Variants in SBNO2 observed in about 807,000 individuals in gnomAD.
SBNO2 encodes the protein strawberry notch homolog 2.
SBNO2 carries 89 observed loss-of-function variants against 146.3 expected under a neutral mutation model. That is an observed-to-expected ratio of 0.61 (90% CI 0.51 to 0.73). SBNO2 has a LOEUF of 0.73. Ranked by LOEUF, SBNO2 falls within the 30% of genes least tolerant of loss-of-function variation. The pLI is 0.00. For synonymous variants in SBNO2, 1,147 were observed against 892.6 expected, an observed-to-expected ratio of 1.29 and a Z score of -5.08; for missense variants, 2,092 against 2,003.7, an observed-to-expected ratio of 1.04 and a Z score of -0.84.
At position 1,123,649 on chromosome 19, in the gene SBNO2, T is replaced by TGGCGGGAGCTCAGCGGAGACTGCA; in HGVS notation, c.523-34_523-11dup. The TGGCGGGAGCTCAGCGGAGACTGCA allele has an allele frequency of 6.2e-7, 1 of 1,606,050 alleles. No individual in the cohort carries two copies. Among genetic ancestry groups the TGGCGGGAGCTCAGCGGAGACTGCA allele is most frequent in the Middle Eastern group, 1.7e-4 (1 of 6,026 alleles). ...TCTGCACACTCTGCTCCTGCGTGCG[T>TGGCGGGAGCTCAGCGGAGACTGCA]GGCGGGAGCTCAGCGGAGACTGCAG... On this transcript the variant is annotated splice_polypyrimidine_tract_variant and intron_variant, in intron 6 of 31. Coordinates refer to ENST00000361757, the MANE Select transcript of SBNO2 (RefSeq NM_014963.3).
In SBNO2 at chr19:1,109,099, C is replaced by CTA. The variant is rs1452005716; in HGVS notation, c.3425+35_3425+36insTA. The CTA allele has an allele frequency of 2.6e-6, 4 of 1,544,716 alleles. No homozygotes were observed. The highest frequency in any genetic ancestry group is 3.9e-5 in the Admixed American group (2 of 50,762). On this transcript the variant is annotated intron_variant, in intron 30 of 31. Coordinates refer to ENST00000361757, the MANE Select transcript of SBNO2 (RefSeq NM_014963.3). This position sits in a 1 kb window ranked among gnomAD's most constrained non-coding sequence, Gnocchi z 4.2. ...CGATCCCCGCCTGGGTCGCCGCCAT[C>CTA]TGCCGGTTTCCCCCTGGTCCCCGGC... is the stretch of plus-strand genomic sequence containing the variant.
intron 16 of SBNO2, 54 bp downstream of exon 16, chr19:1,116,775 G>A (rs2079836692): frequency 6.9e-7 from 1 of 1,440,906 alleles, no homozygotes; most frequent in African/African-American, 1.4e-5. Flanking sequence ...GCCACAGAGA[G>A]GGGTGGCCAT....
Position 1,109,018 on chromosome 19 carries a change from C to A in SBNO2, c.3426-49G>T. On this transcript the variant is annotated intron_variant, in intron 30 of 31. Transcript: ENST00000361757. The surrounding 1 kb of genome is among the most constrained non-coding windows in gnomAD (Gnocchi z 4.2). ...GGCTCAGGCGGGTCCCAGGGGCCCGCAGGCTCCCCAGGTGCCCTGAGATCT... is the reference window on the plus strand; with the variant it reads ...GGCTCAGGCGGGTCCCAGGGGCCCGAAGGCTCCCCAGGTGCCCTGAGATCT... The A allele has an allele frequency of 6.7e-7, 1 of 1,488,174 alleles. No homozygotes were observed. Among genetic ancestry groups the A allele is most frequent in the South Asian group, 1.3e-5 (1 of 76,626 alleles). The allele number at this position is 1,488,174 out of a possible 1,614,324, so 92.2% of individuals were successfully genotyped here. A position where few individuals can be genotyped will look rare whatever the true frequency, so the allele number is the denominator to read the frequency against.
intron 5 of SBNO2, 99 bp from the exon 6 acceptor site, chr19:1,124,121 C>G: frequency 9.1e-7 from 1 of 1,097,042 alleles, no homozygotes. Flanking sequence ...CCCACTGCCC[C>G]GTCCTCGCCT....
At chr19:1,128,592 C>T (rs1349962978) in intron 4 of SBNO2, among the ~76,000 whole-genome samples, 3 of 151,572 alleles carry the variant, frequency 2.0e-5, no homozygotes, top group South Asian at 2.1e-4. Context: ...GGGGTTTCAC[C>T]GTGTTGGTCA....
At chr19:1,169,458 T>C (rs886482594) in intron 1 of SBNO2, among the ~76,000 whole-genome samples, 9 of 152,304 alleles carry the variant, frequency 5.9e-5, no homozygotes, top group South Asian at 2.1e-4. Flanking sequence ...GTGCCACCCA[T>C]GTGGCCCAAG....
In SBNO2 at chr19:1,112,154, G is replaced by A. The variant is rs775853299; in HGVS notation, c.2628+35C>T. The A allele has an allele frequency of 8.2e-6, 13 of 1,590,522 alleles. No homozygotes were observed. Among genetic ancestry groups the A allele is most frequent in the South Asian group, 4.5e-5 (4 of 88,352 alleles). ...AGCTTTGGAGAGCCTTCCTGGGCCTGTCCCTGGTTCTCAGCCCCACCCCCA... is the reference window on the plus strand; with the variant it reads ...AGCTTTGGAGAGCCTTCCTGGGCCTATCCCTGGTTCTCAGCCCCACCCCCA... On this transcript the variant is annotated intron_variant, in intron 22 of 31. Coordinates refer to ENST00000361757, the MANE Select transcript of SBNO2 (RefSeq NM_014963.3). This position sits in a 1 kb window ranked among gnomAD's most constrained non-coding sequence, Gnocchi z 5.9.
At chr19:1,138,868 T>C (rs1386506044) in intron 4 of SBNO2, among the ~76,000 whole-genome samples, 1 of 147,238 alleles carries the variant, frequency 6.8e-6, no homozygotes, top group Non-Finnish European at 1.5e-5. Context: ...AGTGGGGCCC[T>C]CCATGCGTCC....
rs745623785 is a variant in SBNO2, at chr19:1,127,780, C to T, written c.280-15G>A. On this transcript the variant is annotated splice_polypyrimidine_tract_variant and intron_variant, in intron 4 of 31. Transcript: ENST00000361757. ...TAGGAGGAGTCCTGGAAGACAAGGC[C>T]AGGCCCGGTGAGGGTGGTACGGGAG... The T allele has an allele frequency of 6.2e-7, 1 of 1,611,450 alleles. No individual in the cohort carries two copies. Among genetic ancestry groups the T allele is most frequent in the African/African-American group, 1.3e-5 (1 of 74,860 alleles).
intron 2 of SBNO2, 84 bp downstream of exon 2, chr19:1,154,100 C>T (rs2080266681): frequency 4.7e-6 from 3 of 636,612 alleles, no homozygotes; most frequent in South Asian, 7.9e-5. Flanking sequence ...GGCAGCATTC[C>T]GCACGACGTG....
intron 24 of SBNO2, 117 bp from the exon 25 acceptor site, chr19:1,111,210 TAGGGCC>T (rs1369333825): frequency 7.6e-6 from 9 of 1,190,396 alleles, no homozygotes; most frequent in South Asian, 1.5e-5. Flanking sequence ...AGCTGCAGCC[TAGGGCC>T]AGGGCCAGGG....
At position 1,157,546 on chromosome 19, in the gene SBNO2, C is replaced by T. The variant is rs2080303438; in HGVS notation, c.-126-3144G>A. On this transcript the variant is annotated intron_variant, in intron 1 of 31. Coordinates refer to ENST00000361757, the MANE Select transcript of SBNO2 (RefSeq NM_014963.3). This position sits in a 1 kb window ranked among gnomAD's most constrained non-coding sequence, Gnocchi z 6.8. ...TTATTTTTGGGCGCGAGTCCCATGA[C>T]TGGAGGGATGCGTGGTGTGGGGGTT... is the stretch of plus-strand genomic sequence containing the variant. 7.1e-6 allele frequency among the ~76,000 whole-genome samples: 1 copy of T among 140,698 alleles called. No homozygotes were observed. The highest frequency in any genetic ancestry group is 1.6e-5 in the Non-Finnish European group (1 of 64,074). 92.3% of individuals were successfully genotyped at this position (140,698 alleles called of 152,430 possible).
At chr19:1,135,526 G>C (rs1309398367) in intron 4 of SBNO2, among the ~76,000 whole-genome samples, 2 of 152,202 alleles carry the variant, frequency 1.3e-5, no homozygotes, top group East Asian at 1.9e-4. Flanking sequence ...TGAGGATAGG[G>C]GTGCGCCGCC....
Position 1,141,218 on chromosome 19 carries a change from T to G in SBNO2, c.279+6091A>C, listed in dbSNP as rs1354908107. On this transcript the variant is annotated intron_variant, in intron 4 of 31. Transcript: ENST00000361757. ...GCTCTTAGTTTTTGCAATTTTTTTGTAATTTTTTTTTTTTTAGACAGAGTC... is the reference window on the plus strand; with the variant it reads ...GCTCTTAGTTTTTGCAATTTTTTTGGAATTTTTTTTTTTTTAGACAGAGTC... 3.3e-5 allele frequency among the ~76,000 whole-genome samples: 5 copies of G among 151,884 alleles called. No individual in the cohort carries two copies. The South Asian group carries it at 1.0e-3, about 32-fold the overall frequency.
chr19:1,134,724 T>A (rs1794574601), intron 4 of SBNO2, among the ~76,000 whole-genome samples: 1 of 152,088 alleles, frequency 6.6e-6, no homozygotes, highest in African/African-American at 2.4e-5. Context: ...GAGGTGGTGG[T>A]TGCACAACTC....
chr19:1,141,111 A>G (rs1203914074), intron 4 of SBNO2, among the ~76,000 whole-genome samples: 1 of 151,676 alleles, frequency 6.6e-6, no homozygotes, highest in Non-Finnish European at 1.5e-5. Context: ...CCCGGAGAAC[A>G]CGCGCCCCGG....
chr19:1,112,634 A>G lies in SBNO2; in HGVS notation c.2380-97T>C. 6.8e-7 allele frequency: 1 copy of G among 1,465,340 alleles called. No homozygotes were observed. Among genetic ancestry groups the G allele is most frequent in the East Asian group, 2.5e-5 (1 of 40,296 alleles). 90.8% of individuals were successfully genotyped at this position (1,465,340 alleles called of 1,614,324 possible). On this transcript the variant is annotated intron_variant, in intron 20 of 31. Coordinates refer to ENST00000361757, the MANE Select transcript of SBNO2 (RefSeq NM_014963.3). This position sits in a 1 kb window ranked among gnomAD's most constrained non-coding sequence, Gnocchi z 5.9. ...CACTAGGCCCCCGCTCCAGGTCACCAGGACGTCCCGGGGCAGCGAGAGGCC... is the reference window on the plus strand; with the variant it reads ...CACTAGGCCCCCGCTCCAGGTCACCGGGACGTCCCGGGGCAGCGAGAGGCC...
At position 1,112,716 on chromosome 19, in the gene SBNO2, C is replaced by T; in HGVS notation, c.2379+102G>A. ...CACTCGCGCCCGCACCTGGCACACA[C>T]ACACTCCAGAAGTGCGCGGGTCCAC... is the stretch of plus-strand genomic sequence containing the variant. On this transcript the variant is annotated intron_variant, in intron 20 of 31. Transcript: ENST00000361757. This position sits in a 1 kb window ranked among gnomAD's most constrained non-coding sequence, Gnocchi z 5.9. 1 of 1,458,606 alleles carries T rather than the reference C, an allele frequency of 6.9e-7. No individual in the cohort carries two copies. Among genetic ancestry groups the T allele is most frequent in the Non-Finnish European group, 9.1e-7 (1 of 1,103,314 alleles). The allele number at this position is 1,458,606 out of a possible 1,614,324, so 90.4% of individuals were successfully genotyped here. A position where few individuals can be genotyped will look rare whatever the true frequency, so the allele number is the denominator to read the frequency against.
intron 1 of SBNO2, among the ~76,000 whole-genome samples, chr19:1,172,947 G>C (rs1599895337): frequency 6.6e-6 from 1 of 151,662 alleles, no homozygotes; most frequent in African/African-American, 2.4e-5. Context: ...CAGGCATTCC[G>C]GGAAGAAGCA....
Sources: allele counts gnomAD v4.1 joint callset (sites outside exome capture counted in the v4.1 genomes callset), GRCh38; gene constraint gnomAD v4.1.1; non-coding constraint Gnocchi (gnomAD v3.1); transcripts MANE v1.5; gene names NCBI Gene and HGNC (gene_info 2026-07-23, HGNC 2026-07-21).